Variants in MRC2 observed in about 807,000 individuals in gnomAD.
MRC2 encodes the protein C-type mannose receptor 2.
Under a neutral mutation model 206.2 loss-of-function variants are expected in MRC2, and 84 were observed. That is an observed-to-expected ratio of 0.41 (90% CI 0.34 to 0.49). The LOEUF (loss-of-function observed/expected upper bound fraction) is 0.49, where lower values mean the gene tolerates loss of function less well. Among genes scored for constraint, MRC2 ranks in the 20% least tolerant of loss-of-function variants. MRC2 has a pLI of 0.31. For missense variants in MRC2, 1,676 were observed against 2,001.5 expected (o/e 0.84, Z 3.10); for synonymous variants, 798 against 800.0 (o/e 1.00, Z 0.04).
chr17:62,689,866 C>T (rs779803151), intron 24 of MRC2, 28 bp from the exon 25 acceptor site: 22 of 1,569,668 alleles, frequency 1.4e-5, no homozygotes, highest in Non-Finnish European at 1.6e-5. Context: ...TATTCCCTTC[C>T]TCCCACCCCA....
At chr17:62,637,721 C>T (rs907277427) in intron 1 of MRC2, among the ~76,000 whole-genome samples, 1 of 152,062 alleles carries the variant, frequency 6.6e-6, no homozygotes, top group Non-Finnish European at 1.5e-5. Context: ...CCAACTCACA[C>T]CTGTGACCTT....
chr17:62,679,092 C>T (rs1300931574), intron 13 of MRC2, among the ~76,000 whole-genome samples: 1 of 152,204 alleles, frequency 6.6e-6, no homozygotes, highest in Non-Finnish European at 1.5e-5. Context: ...AGGATTTGCC[C>T]ATGGGCCTCC....
Position 62,664,655 on chromosome 17 carries a change from C to T in MRC2, c.226C>T (p.Arg76Cys), listed in dbSNP as rs748134416. 1.2e-5 allele frequency: 19 copies of T among 1,613,698 alleles called. No individual in the cohort carries two copies. Among genetic ancestry groups the T allele is most frequent in the East Asian group, 2.2e-5 (1 of 44,888 alleles). The change falls in exon 2 of 30, where the codon CGC (arginine) becomes TGC (cysteine). Residue 76 changes from arginine (R) to cysteine (C), a missense_variant. By Grantham distance (180) the Arg-to-Cys change is radical. This residue lies in a region of MRC2 where 318 missense variants were observed against 346.7 expected (regional missense o/e 0.92). Transcript: ENST00000303375. This position sits in a 1 kb window ranked among gnomAD's most constrained non-coding sequence, Gnocchi z 4.7. ...PACNTSLPAQ[R>C]WKWVSRNRLF... ...TTGCAATACCAGCCTCCCTGCCCAGCGCTGGAAGTGGGTCTCCCGAAACCG... is the reference window on the plus strand; with the variant it reads ...TTGCAATACCAGCCTCCCTGCCCAGTGCTGGAAGTGGGTCTCCCGAAACCG...
rs2088760432 is a variant in MRC2, at chr17:62,666,701, G to A, written c.860-56G>A. ...TGTGGGTTGGGGAGAGGGCGATGGGGAGCGGGGGAGGCTGGGGCTGGGGAT... is the reference window on the plus strand; with the variant it reads ...TGTGGGTTGGGGAGAGGGCGATGGGAAGCGGGGGAGGCTGGGGCTGGGGAT... On this transcript the variant is annotated intron_variant, in intron 4 of 29. Coordinates refer to ENST00000303375, the MANE Select transcript of MRC2 (RefSeq NM_006039.5). This position sits in a 1 kb window ranked among gnomAD's most constrained non-coding sequence, Gnocchi z 5.0. 1 of 1,578,824 alleles carries A rather than the reference G, an allele frequency of 6.3e-7. No individual in the cohort carries two copies. Among genetic ancestry groups the A allele is most frequent in the Non-Finnish European group, 8.6e-7 (1 of 1,158,324 alleles).
chr17:62,682,591 A>T (rs2465454), intron 20 of MRC2, among the ~76,000 whole-genome samples: 1 of 152,040 alleles, frequency 6.6e-6, no homozygotes, highest in South Asian at 2.1e-4. Context: ...CCGGGAAGCA[A>T]GGTTGTCCAA....
chr17:62,684,568 T>G (rs1238166920), intron 20 of MRC2, among the ~76,000 whole-genome samples: 1 of 152,198 alleles, frequency 6.6e-6, no homozygotes, highest in Non-Finnish European at 1.5e-5. Flanking sequence ...ACAGGCTGAT[T>G]TATTAGACCT....
At chr17:62,668,359 A>T (rs1451423617) in intron 6 of MRC2, among the ~76,000 whole-genome samples, 1 of 147,848 alleles carries the variant, frequency 6.8e-6, no homozygotes, top group Admixed American at 6.7e-5. Flanking sequence ...CCTGCCTCAA[A>T]AAATAAATAA....
chr17:62,641,918 T>TGTGG (rs1014068226), intron 1 of MRC2, among the ~76,000 whole-genome samples: 30 of 151,944 alleles, frequency 2.0e-4, no homozygotes, highest in African/African-American at 7.2e-4. Context: ...TGTGTGTGTG[T>TGTGG]GGTGGGTCTG....
rs1449559052 is a variant in MRC2 at position 62,652,295 on chromosome 17, C to T, written c.119-12253C>T. On this transcript the variant is annotated intron_variant, in intron 1 of 29. Coordinates refer to ENST00000303375, the MANE Select transcript of MRC2 (RefSeq NM_006039.5). This position sits in a 1 kb window ranked among gnomAD's most constrained non-coding sequence, Gnocchi z 4.6. ...TTAAGAAAGGGCAGGCGCACAACAC[C>T]CCCGCACGGAGAAATGAACAGGTGT... 6.6e-6 allele frequency among the ~76,000 whole-genome samples: 1 copy of T among 152,258 alleles called. No homozygotes were observed. Among genetic ancestry groups the T allele is most frequent in the Non-Finnish European group, 1.5e-5 (1 of 68,042 alleles).
At position 62,664,844 on chromosome 17, in the gene MRC2, A is replaced by G. The variant is rs1246324891; in HGVS notation, c.415A>G (p.Ser139Gly). ...QLSLLLGART[S>G]NISKPGTLER... is the part of the protein sequence containing the mutation. ...GTCCTTGCTCCTGGGGGCCCGCACC[A>G]GCAACATATCCAAGCCTGGCACCCT... is the stretch of plus-strand genomic sequence containing the variant. The change falls in exon 2 of 30, where the codon AGC (serine) becomes GGC (glycine). Residue 139 changes from serine to glycine, a missense_variant. Coordinates refer to ENST00000303375, the MANE Select transcript of MRC2 (RefSeq NM_006039.5). The surrounding 1 kb of genome is among the most constrained non-coding windows in gnomAD (Gnocchi z 4.7). The G allele has an allele frequency of 1.1e-5, 18 of 1,613,698 alleles. No individual in the cohort carries two copies. Among genetic ancestry groups the G allele is most frequent in the Non-Finnish European group, 1.4e-5 (17 of 1,180,032 alleles).
intron 2 of MRC2, among the ~76,000 whole-genome samples, 186 bp downstream of exon 2, chr17:62,665,135 C>T (rs1293977462): frequency 6.6e-6 from 1 of 152,156 alleles, no homozygotes; most frequent in South Asian, 2.1e-4. Context: ...TGCGGTGGCT[C>T]ACGCCTGTAA....
At chr17:62,642,813 A>G (rs1418712593) in intron 1 of MRC2, among the ~76,000 whole-genome samples, 4 of 152,200 alleles carry the variant, frequency 2.6e-5, no homozygotes, top group Non-Finnish European at 5.9e-5. Flanking sequence ...AAAGTTGTTC[A>G]TAGTAGCATT....
chr17:62,662,023 A>G (rs1015684560), intron 1 of MRC2, among the ~76,000 whole-genome samples: 43 of 151,780 alleles, frequency 2.8e-4, no homozygotes, highest in African/African-American at 1.0e-3. Context: ...TGAGGAGGGC[A>G]GATTCCCTGA....
At chr17:62,683,099 T>C (rs2088990034) in intron 20 of MRC2, among the ~76,000 whole-genome samples, 2 of 76,630 alleles carry the variant, frequency 2.6e-5, no homozygotes, top group Admixed American at 3.2e-4. Context: ...TGACTAATAT[T>C]ATATATAGTA....
rs550387205 is a variant in MRC2 at position 62,679,911 on chromosome 17, G to A, written c.2298+9G>A. 3.7e-6 allele frequency: 6 copies of A among 1,609,614 alleles called. No homozygotes were observed. In the East Asian group the frequency reaches 1.1e-4, roughly 30 times the overall value. ...GGAGCGACGGCGTAGGGGTGAGGGG[G>A]CCTGGGGTACTTGGGACTGCGAGGC... On this transcript the variant is annotated intron_variant, in intron 14 of 29. Coordinates refer to ENST00000303375, the MANE Select transcript of MRC2 (RefSeq NM_006039.5).
intron 1 of MRC2, among the ~76,000 whole-genome samples, chr17:62,629,519 C>G (rs2084199321): frequency 6.6e-6 from 1 of 152,192 alleles, no homozygotes; most frequent in African/African-American, 2.4e-5. Flanking sequence ...ACTGCATTGA[C>G]CACACCCTGA....
chr17:62,639,838 T>A (rs930361844), intron 1 of MRC2, among the ~76,000 whole-genome samples: 3 of 151,862 alleles, frequency 2.0e-5, no homozygotes, highest in African/African-American at 7.3e-5. Context: ...TAACTTTAAG[T>A]GACAAATATA....
At chr17:62,640,681 T>C (rs1198595560) in intron 1 of MRC2, among the ~76,000 whole-genome samples, 1 of 150,960 alleles carries the variant, frequency 6.6e-6, no homozygotes, top group Non-Finnish European at 1.5e-5. Flanking sequence ...CTGGCTAATA[T>C]TTAATTTTTT....
intron 1 of MRC2, among the ~76,000 whole-genome samples, chr17:62,657,438 G>A (rs1200565313): frequency 6.6e-6 from 1 of 152,202 alleles, no homozygotes; most frequent in Non-Finnish European, 1.5e-5. Flanking sequence ...CATTTACTCA[G>A]TAAGAACATA....
Sources: gnomAD v4.1 joint callset for allele counts (sites outside exome capture counted in the v4.1 genomes callset) on GRCh38, gnomAD v4.1.1 for gene constraint, gnomAD v4.1.1 regional missense constraint, Gnocchi (gnomAD v3.1) non-coding constraint, MANE v1.5 for transcripts, NCBI Gene and HGNC (gene_info 2026-07-23, HGNC 2026-07-21) for gene names.